The following SKIC2 variants were observed in gnomAD, a reference collection of about 807,000 sequenced individuals.
SKIC2 encodes superkiller complex protein 2.
At chr6:31,959,358 G>A in the SKIC2 span, 2 of 1,613,870 alleles carry the variant, frequency 1.2e-6, no homozygotes, top group Non-Finnish European at 1.7e-6. Flanking sequence ...GATGCACGGG[G>A]CACTGGGAGC....
At chr6:31,967,997 A>G in the SKIC2 span, 8 of 1,613,056 alleles carry the variant, frequency 5.0e-6, no homozygotes, top group Non-Finnish European at 6.8e-6. This position sits in a 1 kb window ranked among gnomAD's most constrained non-coding sequence, Gnocchi z 4.9. Flanking sequence ...GCCAGGAGAT[A>G]TGGCTGCCAT....
the SKIC2 span, chr6:31,968,746 CT>C: frequency 6.2e-7 from 1 of 1,612,924 alleles, no homozygotes; most frequent in Non-Finnish European, 8.5e-7. The surrounding 1 kb of genome is among the most constrained non-coding windows in gnomAD (Gnocchi z 6.1). Flanking sequence ...GCGCTTCCTA[CT>C]GTCGGATCAG....
the SKIC2 span, chr6:31,963,916 C>G: frequency 1.2e-6 from 2 of 1,609,620 alleles, no homozygotes; most frequent in South Asian, 1.1e-5. The surrounding 1 kb of genome is among the most constrained non-coding windows in gnomAD (Gnocchi z 5.3). Flanking sequence ...TCTCCAGGAC[C>G]GCGGAGTGTA....
chr6:31,965,960 C>G, the SKIC2 span: 5 of 1,612,060 alleles, frequency 3.1e-6, no homozygotes, highest in Admixed American at 1.7e-5. The surrounding 1 kb of genome is among the most constrained non-coding windows in gnomAD (Gnocchi z 5.6). Context: ...CACCGTTATC[C>G]TGCTCTGCAA....
the SKIC2 span, chr6:31,961,736 C>T: frequency 1.3e-5 from 21 of 1,580,020 alleles, no homozygotes; most frequent in East Asian, 3.4e-4. Context: ...TCCCAGCCGA[C>T]CCCTTGTCTC....
chr6:31,961,935 G>A, the SKIC2 span: 1 of 1,612,958 alleles, frequency 6.2e-7, no homozygotes, highest in Admixed American at 1.7e-5. Context: ...ATGTGTTTCA[G>A]AAACAGGCCA....
chr6:31,969,532 A>C, the SKIC2 span: 1 of 1,613,536 alleles, frequency 6.2e-7, no homozygotes, highest in Non-Finnish European at 8.5e-7. This position sits in a 1 kb window ranked among gnomAD's most constrained non-coding sequence, Gnocchi z 6.1. Flanking sequence ...CCGAGTTGGC[A>C]GGGCTCTCAG....
the SKIC2 span, chr6:31,967,697 C>G: frequency 3.7e-6 from 6 of 1,612,124 alleles, no homozygotes; most frequent in Non-Finnish European, 5.1e-6. The surrounding 1 kb of genome is among the most constrained non-coding windows in gnomAD (Gnocchi z 4.9). Context: ...CTCTCCTGGC[C>G]TCTCTGACCA....
the SKIC2 span, chr6:31,963,766 A>G: frequency 2.6e-6 from 4 of 1,529,368 alleles, no homozygotes; most frequent in Non-Finnish European, 3.5e-6. The surrounding 1 kb of genome is among the most constrained non-coding windows in gnomAD (Gnocchi z 5.3). Context: ...ACCTGCCAGC[A>G]CCTGTTTTTC....
the SKIC2 span, chr6:31,969,352 G>A: frequency 6.2e-7 from 1 of 1,614,246 alleles, no homozygotes; most frequent in South Asian, 1.1e-5. This position sits in a 1 kb window ranked among gnomAD's most constrained non-coding sequence, Gnocchi z 6.1. Context: ...GAACCAGACG[G>A]TGGAGGAATT....
chr6:31,967,508 CT>C, the SKIC2 span: 2 of 588,346 alleles, frequency 3.4e-6, no homozygotes, highest in Non-Finnish European at 5.4e-6. The surrounding 1 kb of genome is among the most constrained non-coding windows in gnomAD (Gnocchi z 4.9). Context: ...CCTTTTCACC[CT>C]CTCCCTTCCC....
the SKIC2 span, chr6:31,961,417 A>G: frequency 1.3e-6 from 2 of 1,528,174 alleles, no homozygotes; most frequent in Non-Finnish European, 8.8e-7. Context: ...GAGGCAAGAA[A>G]GAGCCTTGCC....
the SKIC2 span, chr6:31,961,733 C>T: frequency 9.4e-4 from 1,490 of 1,583,616 alleles, 16 homozygotes; most frequent in Admixed American, 0.017. Flanking sequence ...CACTCCCAGC[C>T]GACCCCTTGT....
the SKIC2 span, chr6:31,963,845 C>T: frequency 1.7e-5 from 25 of 1,482,336 alleles, no homozygotes; most frequent in Non-Finnish European, 2.2e-5. The surrounding 1 kb of genome is among the most constrained non-coding windows in gnomAD (Gnocchi z 5.3). Context: ...CCCCAGTTAA[C>T]ACTAGCTCAC....
chr6:31,968,352 G>T, the SKIC2 span: 1 of 1,612,984 alleles, frequency 6.2e-7, no homozygotes, highest in East Asian at 2.2e-5. The surrounding 1 kb of genome is among the most constrained non-coding windows in gnomAD (Gnocchi z 6.1). Flanking sequence ...TTGCAGCCGT[G>T]ACCACTGCTG....
the SKIC2 span, chr6:31,963,190 C>A: frequency 1.1e-6 from 1 of 913,616 alleles, no homozygotes; most frequent in East Asian, 2.5e-5. This position sits in a 1 kb window ranked among gnomAD's most constrained non-coding sequence, Gnocchi z 5.3. Context: ...AGCGGTCAGG[C>A]CTTAGGGGTG....
chr6:31,969,692 G>C, the SKIC2 span: 1 of 1,602,094 alleles, frequency 6.2e-7, no homozygotes, highest in Non-Finnish European at 8.5e-7. The surrounding 1 kb of genome is among the most constrained non-coding windows in gnomAD (Gnocchi z 6.1). Flanking sequence ...CATCGTATTT[G>C]CGGCCAGCCT....
chr6:31,969,646 C>T, the SKIC2 span: 108 of 1,611,548 alleles, frequency 6.7e-5, no homozygotes, highest in Middle Eastern at 4.9e-4. This position sits in a 1 kb window ranked among gnomAD's most constrained non-coding sequence, Gnocchi z 6.1. Flanking sequence ...TGCTGGGTGC[C>T]AAGATGGAGA....
the SKIC2 span, chr6:31,964,211 A>G: frequency 1.9e-6 from 3 of 1,611,526 alleles, no homozygotes; most frequent in Non-Finnish European, 2.5e-6. This position sits in a 1 kb window ranked among gnomAD's most constrained non-coding sequence, Gnocchi z 5.0. Flanking sequence ...ATCCCTGACC[A>G]TGGGCCTCCT....
Sources: gnomAD v4.1 joint callset for allele counts on GRCh38, gnomAD v4.1.1 for gene constraint, Gnocchi (gnomAD v3.1) non-coding constraint, MANE v1.5 for transcripts, NCBI Gene and HGNC (gene_info 2026-07-23, HGNC 2026-07-21) for gene names.